Variants in NOS1 observed in about 807,000 individuals in gnomAD.
NOS1 encodes the protein nitric oxide synthase 1.
In NOS1, 51 loss-of-function variants were observed where a neutral mutation model predicts 164.5. That is an observed-to-expected ratio of 0.31 (90% CI 0.25 to 0.39). The LOEUF (loss-of-function observed/expected upper bound fraction) is 0.39, where lower values mean the gene tolerates loss of function less well. Ranked by LOEUF, NOS1 falls within the 10% of genes least tolerant of loss-of-function variation. The pLI is 1.00. For synonymous variants in NOS1, 719 were observed against 745.8 expected (o/e 0.96, Z 0.59); for missense variants, 1,362 against 1,885.6 (o/e 0.72, Z 5.14).
At chr12:117,238,218 G>C (rs997259762) in intron 20 of NOS1, among the ~76,000 whole-genome samples, 10 of 151,992 alleles carry the variant, frequency 6.6e-5, no homozygotes, top group African/African-American at 2.4e-4. Flanking sequence ...GGAGTGACAG[G>C]CTTCAATTTA....
At chr12:117,346,543 T>C (rs1455157490) in intron 1 of NOS1, among the ~76,000 whole-genome samples, 3 of 152,156 alleles carry the variant, frequency 2.0e-5, no homozygotes, top group African/African-American at 4.8e-5. Context: ...TTAATGGAGT[T>C]TGCAAAACCA....
In NOS1 at chr12:117,208,443, C is replaced by A. The variant is rs1185049121; in HGVS notation, c.*6866G>T. 1 of 1,161,248 alleles carries A rather than the reference C, an allele frequency of 8.6e-7. No homozygotes were observed. The highest frequency in any genetic ancestry group is 1.1e-6 in the Non-Finnish European group (1 of 927,274). The allele number at this position is 1,161,248 out of a possible 1,614,324, so 71.9% of individuals were successfully genotyped here. ...GTGTGGTGAGATGCGACCAGGTCTG[C>A]CCACCTCCCCAGCTTCCCAAGCCCG... On this transcript the variant is annotated 3_prime_UTR_variant, in exon 29 of 29. Coordinates refer to ENST00000317775, the MANE Select transcript of NOS1 (RefSeq NM_000620.5).
intron 1 of NOS1, among the ~76,000 whole-genome samples, chr12:117,352,093 A>G (rs1367981623): frequency 6.6e-6 from 1 of 152,166 alleles, no homozygotes; most frequent in Admixed American, 6.5e-5. Flanking sequence ...GGATCACCTG[A>G]GCCAGGAAAG....
rs9658474 is a variant in NOS1, at chr12:117,243,704, C to A, written c.2824-269G>T. 6.6e-6 allele frequency among the ~76,000 whole-genome samples: 1 copy of A among 151,480 alleles called. No homozygotes were observed. Among genetic ancestry groups the A allele is most frequent in the African/African-American group, 2.4e-5 (1 of 41,180 alleles). Reference sequence around the variant, plus strand: ...CTCATCTACTCTTCCATTCATCTACCCTTCCACCCTCCCATCCATGTATCT... The same window carrying A: ...CTCATCTACTCTTCCATTCATCTACACTTCCACCCTCCCATCCATGTATCT... On this transcript the variant is annotated intron_variant, in intron 18 of 28. Coordinates refer to ENST00000317775, the MANE Select transcript of NOS1 (RefSeq NM_000620.5). This position sits in a 1 kb window ranked among gnomAD's most constrained non-coding sequence, Gnocchi z 4.3.
At position 117,259,072 on chromosome 12, in the gene NOS1, A is replaced by G. The variant is rs767514158; in HGVS notation, c.2426T>C (p.Val809Ala). The G allele has an allele frequency of 1.2e-6, 2 of 1,614,164 alleles. No homozygotes were observed. Among genetic ancestry groups the G allele is most frequent in the Non-Finnish European group, 1.7e-6 (2 of 1,180,016 alleles). Residue 809 changes from valine (V) to alanine (A), a missense_variant, in exon 15 of 29, where the codon GTG becomes GCG. Physicochemically the swap from Val to Ala is moderately conservative, Grantham distance 64. Coordinates refer to ENST00000317775, the MANE Select transcript of NOS1 (RefSeq NM_000620.5). ...VHLEHETLVL[V>A]VTSTFGNGDP... ...TCCATTGCCAAAGGTGCTGGTGACCACAAGGACCAGAGTTTCATGTTCCAG... is the reference window on the plus strand; with the variant it reads ...TCCATTGCCAAAGGTGCTGGTGACCGCAAGGACCAGAGTTTCATGTTCCAG...
intron 25 of NOS1, among the ~76,000 whole-genome samples, chr12:117,223,269 T>A (rs920449868): frequency 1.3e-5 from 2 of 151,844 alleles, no homozygotes; most frequent in Admixed American, 1.3e-4. Context: ...ACTCAACTTT[T>A]TTTTTTTTTT....
chr12:117,333,680 G>T (rs1374087304), intron 1 of NOS1, among the ~76,000 whole-genome samples: 1 of 152,192 alleles, frequency 6.6e-6, no homozygotes, highest in Non-Finnish European at 1.5e-5. Flanking sequence ...GTTGCTCTGT[G>T]TGTGTGTTTC....
intron 22 of NOS1, among the ~76,000 whole-genome samples, chr12:117,231,356 A>G (rs1869211967): frequency 6.6e-6 from 1 of 152,060 alleles, no homozygotes; most frequent in Non-Finnish European, 1.5e-5. Flanking sequence ...TATTTCCTAG[A>G]TCTAGACAAG....
At position 117,222,956 on chromosome 12, in the gene NOS1, G is replaced by C. The variant is rs577496959; in HGVS notation, c.3827-93C>G. On this transcript the variant is annotated intron_variant, in intron 25 of 28. Coordinates refer to ENST00000317775, the MANE Select transcript of NOS1 (RefSeq NM_000620.5). ...AGGGATGGGGTACTGAGACCTTAGC[G>C]TGTGCCATGCGGATAGAGGCTCACA... 7.0e-6 allele frequency: 10 copies of C among 1,427,052 alleles called. No homozygotes were observed. In the African/African-American group the frequency reaches 1.4e-4, roughly 20 times the overall value. The allele number at this position is 1,427,052 out of a possible 1,614,324, so 88.4% of individuals were successfully genotyped here.
intron 11 of NOS1, among the ~76,000 whole-genome samples, chr12:117,266,519 T>C (rs569800313): frequency 6.6e-6 from 1 of 152,164 alleles, no homozygotes; most frequent in Admixed American, 6.5e-5. Context: ...GTATAATGAC[T>C]TCTTTTAGGT....
At chr12:117,241,412 G>A (rs891708426) in intron 20 of NOS1, among the ~76,000 whole-genome samples, 12 of 151,718 alleles carry the variant, frequency 7.9e-5, no homozygotes, top group African/African-American at 2.4e-4. Flanking sequence ...AGAGCAGCAA[G>A]GGGGTCCTAT....
chr12:117,308,570 G>A (rs139157915), intron 3 of NOS1, among the ~76,000 whole-genome samples: 282 of 151,282 alleles, frequency 1.9e-3, no homozygotes, highest in Non-Finnish European at 3.3e-3. Context: ...AAAAAACAGC[G>A]TATAGGCGCA....
chr12:117,214,053 A>G lies in NOS1; in HGVS notation c.*1256T>C. On this transcript the variant is annotated 3_prime_UTR_variant, in exon 29 of 29. Transcript: ENST00000317775. The stretch of plus-strand genomic sequence containing the variant: ...GCAGAGGGCAACAAGCCTGAGGGAC[A>G]AGTTCTTCCCACCCCAAGTTGTGGC... The G allele has an allele frequency of 1.0e-6, 1 of 985,414 alleles. No individual in the cohort carries two copies. Among genetic ancestry groups the G allele is most frequent in the South Asian group, 4.7e-5 (1 of 21,288 alleles). 61.0% of individuals were successfully genotyped at this position (985,414 alleles called of 1,614,324 possible). A position where few individuals can be genotyped will look rare whatever the true frequency, so the allele number is the denominator to read the frequency against.
chr12:117,299,570 C>T (rs526810), intron 3 of NOS1, among the ~76,000 whole-genome samples: 54,633 of 142,816 alleles, frequency 0.38, 10,380 homozygotes, highest in Middle Eastern at 0.47. Flanking sequence ...ACCCGGGAGG[C>T]GGAGCTTGCA....
intron 1 of NOS1, among the ~76,000 whole-genome samples, chr12:117,359,471 G>A (rs959370197): frequency 3.3e-5 from 5 of 152,222 alleles, no homozygotes; most frequent in Non-Finnish European, 5.9e-5. Context: ...AAGCACTAAA[G>A]AAAGGCAGCA....
chr12:117,304,875 T>A, intron 3 of NOS1: 1 of 347,586 alleles, frequency 2.9e-6, no homozygotes, highest in South Asian at 1.2e-4. Context: ...CCTTCTGGGA[T>A]TCCCAAGGGG....
chr12:117,227,491 G>A lies in NOS1; in HGVS notation c.3556C>T (p.Pro1186Ser). ...QPRYYSISSS[P>S]DMYPDEVHLT... is the part of the protein sequence containing the mutation. ...TGCACTTCATCAGGGTACATGTCTG[G>A]GGAGGAGCTGATGGAATAGTAGCGG... The change falls in exon 23 of 29, where the codon CCA becomes TCA. Residue 1186 changes from proline (P) to serine (S), a missense_variant. Pro to Ser is a moderately conservative substitution (Grantham distance 74). Transcript: ENST00000317775. The A allele has an allele frequency of 6.2e-7, 1 of 1,613,322 alleles. No individual in the cohort carries two copies. The highest frequency in any genetic ancestry group is 8.5e-7 in the Non-Finnish European group (1 of 1,179,634).
At chr12:117,270,065 G>A (rs1266920638) in intron 10 of NOS1, among the ~76,000 whole-genome samples, 1 of 152,170 alleles carries the variant, frequency 6.6e-6, no homozygotes, top group African/African-American at 2.4e-5. Context: ...TGACGCCTGT[G>A]GCAAAATTAC....
Position 117,263,875 on chromosome 12 carries a change from T to C in NOS1, c.2222+14A>G, listed in dbSNP as rs1016574198. The C allele has an allele frequency of 6.2e-7, 1 of 1,609,622 alleles. No homozygotes were observed. The highest frequency in any genetic ancestry group is 1.3e-5 in the African/African-American group (1 of 74,772). ...GGGGACATCCACCCCACCCGCCCACTGCACGAAACTTACTCTGCTAGCTTC... is the reference window on the plus strand; with the variant it reads ...GGGGACATCCACCCCACCCGCCCACCGCACGAAACTTACTCTGCTAGCTTC... On this transcript the variant is annotated intron_variant, in intron 13 of 28. Transcript: ENST00000317775.
Sources: allele counts gnomAD v4.1 joint callset (sites outside exome capture counted in the v4.1 genomes callset), GRCh38; gene constraint gnomAD v4.1.1; non-coding constraint Gnocchi (gnomAD v3.1); transcripts MANE v1.5; gene names NCBI Gene and HGNC (gene_info 2026-07-23, HGNC 2026-07-21).